OSBPL8: variants seen among roughly 807,000 people sequenced by gnomAD.
OSBPL8 encodes the protein oxysterol-binding protein-related protein 8.
In OSBPL8, 59 loss-of-function variants were observed where a neutral mutation model predicts 125.5. The ratio of observed to expected loss-of-function variants is 0.47; its 90% confidence interval spans 0.38 to 0.58. The LOEUF (loss-of-function observed/expected upper bound fraction) is 0.58. Ranked by LOEUF, OSBPL8 falls within the 20% of genes least tolerant of loss-of-function variation. OSBPL8 has a pLI of 0.00. For synonymous variants in OSBPL8, 330 were observed against 338.9 expected (o/e 0.97, Z 0.29); for missense variants, 758 against 1,047.8 (o/e 0.72, Z 3.82).
chr12:76,370,894 CAATAA>C (rs1445185757), intron 19 of OSBPL8, among the ~76,000 whole-genome samples: 1 of 152,078 alleles, frequency 6.6e-6, no homozygotes, highest in Non-Finnish European at 1.5e-5. Flanking sequence ...GATATAACAA[CAATAA>C]AATAGGGAAT....
intron 4 of OSBPL8, among the ~76,000 whole-genome samples, chr12:76,443,972 T>C (rs772046804): frequency 2.0e-5 from 3 of 152,132 alleles, no homozygotes; most frequent in Non-Finnish European, 4.4e-5. Flanking sequence ...GGAAAATACA[T>C]AATTTCTTGA....
At chr12:76,493,375 T>C (rs2137064329) in intron 1 of OSBPL8, among the ~76,000 whole-genome samples, 1 of 152,362 alleles carries the variant, frequency 6.6e-6, no homozygotes, top group East Asian at 1.9e-4. Context: ...CATTTCAGTT[T>C]GAAGAATTCT....
At chr12:76,481,463 T>TA (rs151069079) in intron 2 of OSBPL8, among the ~76,000 whole-genome samples, 1 of 151,390 alleles carries the variant, frequency 6.6e-6, no homozygotes, top group East Asian at 1.9e-4. Context: ...CTGCGTCTAT[T>TA]AAAAAAAAAT....
intron 4 of OSBPL8, among the ~76,000 whole-genome samples, chr12:76,450,131 G>A (rs11829464): frequency 0.49 from 74,355 of 151,978 alleles, 19,466 homozygotes; most frequent in African/African-American, 0.66. Flanking sequence ...ATCATGGATG[G>A]TTTTGTCCCT....
chr12:76,359,974 G>C (rs1047227361), intron 21 of OSBPL8, among the ~76,000 whole-genome samples: 1 of 147,456 alleles, frequency 6.8e-6, no homozygotes, highest in African/African-American at 2.5e-5. Flanking sequence ...GAGCCAAATC[G>C]TATCATTCTA....
intron 4 of OSBPL8, among the ~76,000 whole-genome samples, chr12:76,427,871 T>A (rs1870334135): frequency 6.6e-6 from 1 of 151,986 alleles, no homozygotes; most frequent in Admixed American, 6.6e-5. Context: ...AGTTGAAAAA[T>A]CAGTTTGGTG....
intron 1 of OSBPL8, among the ~76,000 whole-genome samples, chr12:76,548,151 C>A (rs1035091477): frequency 1.2e-4 from 18 of 152,000 alleles, no homozygotes; most frequent in African/African-American, 4.1e-4. Flanking sequence ...TCCAGATACT[C>A]CACTGAAATA....
At chr12:76,441,656 T>C (rs1269820142) in intron 4 of OSBPL8, among the ~76,000 whole-genome samples, 2 of 152,078 alleles carry the variant, frequency 1.3e-5, no homozygotes, top group Non-Finnish European at 2.9e-5. Flanking sequence ...TTTAATGTTA[T>C]ATTAAGTTAA....
intron 4 of OSBPL8, among the ~76,000 whole-genome samples, chr12:76,447,234 A>G (rs1045543683): frequency 1.2e-4 from 19 of 152,198 alleles, no homozygotes; most frequent in Middle Eastern, 3.2e-3. Context: ...TTCAAGTCAT[A>G]AAGAATGAAA....
At chr12:76,382,665 T>C (rs548012506) in intron 15 of OSBPL8, among the ~76,000 whole-genome samples, 3 of 152,234 alleles carry the variant, frequency 2.0e-5, no homozygotes, top group African/African-American at 7.2e-5. Context: ...GGTGGATCAC[T>C]TGAGGTCAGG....
At chr12:76,356,890 T>C (rs767512407) in intron 22 of OSBPL8, among the ~76,000 whole-genome samples, 162 bp from the exon 23 acceptor site, 7 of 152,244 alleles carry the variant, frequency 4.6e-5, no homozygotes, top group Admixed American at 1.3e-4. Context: ...AAACACATCA[T>C]TGCAATACTA....
intron 9 of OSBPL8, among the ~76,000 whole-genome samples, chr12:76,394,030 C>G (rs548874101): frequency 1.2e-3 from 179 of 151,918 alleles, no homozygotes; most frequent in African/African-American, 4.2e-3. Context: ...AAAACAAAAA[C>G]AAAACAAAAC....
At chr12:76,405,840 G>C (rs1209864392) in intron 5 of OSBPL8, among the ~76,000 whole-genome samples, 1 of 152,144 alleles carries the variant, frequency 6.6e-6, no homozygotes, top group Non-Finnish European at 1.5e-5. Context: ...AGATAGGCAG[G>C]TTTAATGTAT....
chr12:76,548,450 A>G (rs1408446119), intron 1 of OSBPL8, among the ~76,000 whole-genome samples: 1 of 152,200 alleles, frequency 6.6e-6, no homozygotes, highest in Non-Finnish European at 1.5e-5. Context: ...TTACTTGACT[A>G]ACTATAAGGG....
In OSBPL8 at chr12:76,440,433, C is replaced by A. The variant is rs532537375; in HGVS notation, c.217+10418G>T. Among the ~76,000 whole-genome samples the A allele has an allele frequency of 2.0e-3, 298 of 152,192 alleles. 1 individual carries two copies. The highest frequency in any genetic ancestry group is 6.8e-3 in the African/African-American group (283 of 41,516). ...TGATTTTAAATTATGAGCTCATATA[C>A]ACTTCTTTGAAGTCTGTGTTTAAAA... On this transcript the variant is annotated intron_variant, in intron 4 of 23. Transcript: ENST00000261183.
intron 1 of OSBPL8, among the ~76,000 whole-genome samples, chr12:76,518,246 G>A (rs1881740777): frequency 6.6e-6 from 1 of 152,214 alleles, no homozygotes; most frequent in South Asian, 2.1e-4. Flanking sequence ...CAGGCCACAA[G>A]CAAGTCCAAA....
At chr12:76,459,738 C>T in intron 3 of OSBPL8, 121 bp downstream of exon 3, 1 of 1,159,682 alleles carries the variant, frequency 8.6e-7, no homozygotes, top group African/African-American at 1.5e-5. Context: ...ATTTCAATTC[C>T]TGGAAAGAAA....
chr12:76,528,330 CAAAAAA>C (rs35479771), intron 1 of OSBPL8, among the ~76,000 whole-genome samples: 2 of 93,680 alleles, frequency 2.1e-5, no homozygotes, highest in Non-Finnish European at 4.2e-5. Context: ...GACTCCGTCT[CAAAAAA>C]AAAAAAAAAA....
At position 76,514,881 on chromosome 12, in the gene OSBPL8, A is replaced by G. The variant is rs150743829; in HGVS notation, c.-67-27263T>C. Among the ~76,000 whole-genome samples, 881 of 152,192 alleles carry G rather than the reference A, an allele frequency of 5.8e-3. 4 individuals carry two copies. The highest frequency in any genetic ancestry group is 0.019 in the African/African-American group (784 of 41,518). On this transcript the variant is annotated intron_variant, in intron 1 of 23. Coordinates refer to ENST00000261183, the MANE Select transcript of OSBPL8 (RefSeq NM_020841.5). ...ACTCTTTTTTATGTTTGTCTATCTTATTTCAGACAGCCAGTCTTCAAGATC... is the reference window on the plus strand; with the variant it reads ...ACTCTTTTTTATGTTTGTCTATCTTGTTTCAGACAGCCAGTCTTCAAGATC...
Sources: allele counts gnomAD v4.1 joint callset (sites outside exome capture counted in the v4.1 genomes callset), GRCh38; gene constraint gnomAD v4.1.1; transcripts MANE v1.5; gene names NCBI Gene and HGNC (gene_info 2026-07-23, HGNC 2026-07-21).